COL9A2: variants seen among roughly 807,000 people sequenced by gnomAD.
The protein encoded by COL9A2 is collagen alpha-2(IX) chain.
Under a neutral mutation model 111.6 loss-of-function variants are expected in COL9A2, and 66 were observed. The observed-to-expected ratio is 0.59, with a 90% CI of 0.48 to 0.73. The LOEUF (loss-of-function observed/expected upper bound fraction) is 0.73, where lower values mean the gene tolerates loss of function less well. COL9A2 is among the 30% of genes least tolerant of loss of function. The pLI is 0.00. For missense variants in COL9A2, 881 were observed against 954.1 expected, an observed-to-expected ratio of 0.92 and a Z score of 1.01; for synonymous variants, 353 against 364.1, an observed-to-expected ratio of 0.97 and a Z score of 0.35.
chr1:40,315,857 A>C (rs922354036), intron 1 of COL9A2, 193 bp from the exon 2 acceptor site: 3 of 474,590 alleles, frequency 6.3e-6, no homozygotes, highest in Non-Finnish European at 1.1e-5. Flanking sequence ...AATACTCAGA[A>C]CCGGGAGGCG....
rs209917 is a variant in COL9A2, at chr1:40,311,837, C to T, written c.418-122G>A. The T allele has an allele frequency of 9.7e-4, 1,122 of 1,154,876 alleles. 13 individuals carry two copies. The African/African-American group carries it at 0.015, about 16-fold the overall frequency. The allele number at this position is 1,154,876 out of a possible 1,614,324, so 71.5% of individuals were successfully genotyped here. On this transcript the variant is annotated intron_variant, in intron 8 of 31. Transcript: ENST00000372748. This position sits in a 1 kb window ranked among gnomAD's most constrained non-coding sequence, Gnocchi z 5.1. ...GTCTTCCCGGTCACTTTGTGAGATC[C>T]ACCATCTTGGGAGATGAAGGCCTGA...
Position 40,301,851 on chromosome 1 carries a change from G to A in COL9A2, c.1831C>T (p.Arg611Trp), listed in dbSNP as rs531953673. The change falls in exon 31 of 32, where the codon CGG (arginine) becomes TGG (tryptophan). Residue 611 changes from arginine to tryptophan, a missense_variant. Arg to Trp is a moderately radical substitution (Grantham distance 101, BLOSUM62 -3). Transcript: ENST00000372748. ...GGCCCAGGCATCCCGGGGTGCCCCC[G>A]TCCCACTTCTCCTGGATCACCCTTC... ...GEKGDPGEVG[R>W]GHPGMPGPPG... is the part of the protein sequence containing the mutation. The A allele has an allele frequency of 1.5e-5, 24 of 1,614,094 alleles. No homozygotes were observed. Among genetic ancestry groups the A allele is most frequent in the Admixed American group, 8.3e-5 (5 of 60,028 alleles).
Position 40,303,797 on chromosome 1 carries a change from G to A in COL9A2, c.1401+10C>T. On this transcript the variant is annotated intron_variant, in intron 27 of 31. Coordinates refer to ENST00000372748, the MANE Select transcript of COL9A2 (RefSeq NM_001852.4). The surrounding 1 kb of genome is among the most constrained non-coding windows in gnomAD (Gnocchi z 4.6). ...GGAAAGTCGGAGAACGCCGGGAGGG[G>A]AGGACTCACCTGTCCCTTGGGCCCC... 1.3e-6 allele frequency: 2 copies of A among 1,562,634 alleles called. No homozygotes were observed. Among genetic ancestry groups the A allele is most frequent in the Non-Finnish European group, 8.7e-7 (1 of 1,155,696 alleles).
rs1643956373 is a variant in COL9A2 at position 40,303,733 on chromosome 1, G to C, written c.1402-57C>G. On this transcript the variant is annotated intron_variant, in intron 27 of 31. Transcript: ENST00000372748. This position sits in a 1 kb window ranked among gnomAD's most constrained non-coding sequence, Gnocchi z 4.6. ...GGTGAGAAGGCGCCCGGGTGGGCGA[G>C]AGTGGGGGGTGGGGGTCGAGGAAGG... 6.8e-7 allele frequency: 1 copy of C among 1,465,248 alleles called. No individual in the cohort carries two copies. Among genetic ancestry groups the C allele is most frequent in the South Asian group, 1.3e-5 (1 of 78,782 alleles). 90.8% of individuals were successfully genotyped at this position (1,465,248 alleles called of 1,614,324 possible). A position where few individuals can be genotyped will look rare whatever the true frequency, so the allele number is the denominator to read the frequency against.
At position 40,302,581 on chromosome 1, in the gene COL9A2, C is replaced by A. The variant is rs760030248; in HGVS notation, c.1792+40G>T. The A allele has an allele frequency of 1.3e-6, 2 of 1,565,770 alleles. No homozygotes were observed. Among genetic ancestry groups the A allele is most frequent in the Non-Finnish European group, 1.7e-6 (2 of 1,158,676 alleles). ...GAAAGGGCCGGCCTGGACAAATCCT[C>A]ACTGCCTGGCCCCCATGCCCACCGC... is the stretch of plus-strand genomic sequence containing the variant. On this transcript the variant is annotated intron_variant, in intron 30 of 31. Coordinates refer to ENST00000372748, the MANE Select transcript of COL9A2 (RefSeq NM_001852.4). The surrounding 1 kb of genome is among the most constrained non-coding windows in gnomAD (Gnocchi z 4.5).
rs1339213565 is a variant in COL9A2, at chr1:40,307,124, C to A, written c.1008+322G>T. 6.6e-6 allele frequency among the ~76,000 whole-genome samples: 1 copy of A among 152,186 alleles called. No homozygotes were observed. Among genetic ancestry groups the A allele is most frequent in the Non-Finnish European group, 1.5e-5 (1 of 68,028 alleles). ...CCTCCTGAAGTGCTGGGATTATAGG[C>A]ATGAGCCACTGCACCCGACCTCAAT... On this transcript the variant is annotated intron_variant, in intron 19 of 31. Transcript: ENST00000372748. This position sits in a 1 kb window ranked among gnomAD's most constrained non-coding sequence, Gnocchi z 4.8.
Position 40,311,001 on chromosome 1 carries a change from C to T in COL9A2, c.630+92G>A. 1 of 1,539,658 alleles carries T rather than the reference C, an allele frequency of 6.5e-7. No homozygotes were observed. The highest frequency in any genetic ancestry group is 9.0e-7 in the Non-Finnish European group (1 of 1,112,738). On this transcript the variant is annotated intron_variant, in intron 12 of 31. Coordinates refer to ENST00000372748, the MANE Select transcript of COL9A2 (RefSeq NM_001852.4). This position sits in a 1 kb window ranked among gnomAD's most constrained non-coding sequence, Gnocchi z 5.1. ...CTCAAGGCTCTGTCCCCAGAACCCA[C>T]AGGGGAAGGGGAAGGGACGAAGAAG... is the stretch of plus-strand genomic sequence containing the variant.
At chr1:40,308,576 A>G (rs1302952761) in intron 16 of COL9A2, among the ~76,000 whole-genome samples, 1 of 152,220 alleles carries the variant, frequency 6.6e-6, no homozygotes, top group Non-Finnish European at 1.5e-5. Context: ...ATGCTGTGTG[A>G]GTCTTGATTT....
chr1:40,307,823 C>G lies in COL9A2; in HGVS notation c.901-67G>C. Reference sequence around the variant, plus strand: ...ATGTCTGGGGTCTGGCCACCCACCCCTGTTCCTCTGAGACAGCTGCAGTGT... The same window carrying G: ...ATGTCTGGGGTCTGGCCACCCACCCGTGTTCCTCTGAGACAGCTGCAGTGT... On this transcript the variant is annotated intron_variant, in intron 17 of 31. Transcript: ENST00000372748. The surrounding 1 kb of genome is among the most constrained non-coding windows in gnomAD (Gnocchi z 4.8). The G allele has an allele frequency of 6.5e-7, 1 of 1,540,484 alleles. No individual in the cohort carries two copies. Among genetic ancestry groups the G allele is most frequent in the South Asian group, 1.1e-5 (1 of 88,496 alleles).
In COL9A2 at chr1:40,305,778, A is replaced by T. The variant is rs777732436; in HGVS notation, c.1054-10T>A. On this transcript the variant is annotated splice_polypyrimidine_tract_variant and intron_variant, in intron 20 of 31. Transcript: ENST00000372748. ...GCGGGCCCGGCTCACCCTGCAGGAA[A>T]ACAGTTCTCAGGTCAGTCTGGGTGG... is the stretch of plus-strand genomic sequence containing the variant. The T allele has an allele frequency of 6.2e-7, 1 of 1,613,860 alleles. No individual in the cohort carries two copies. Among genetic ancestry groups the T allele is most frequent in the South Asian group, 1.1e-5 (1 of 91,074 alleles).
intron 21 of COL9A2, among the ~76,000 whole-genome samples, chr1:40,305,253 G>A (rs517561): frequency 6.6e-6 from 1 of 151,812 alleles, no homozygotes; most frequent in Non-Finnish European, 1.5e-5. Context: ...ATTTTTAGTA[G>A]AGACGGGGTT....
Position 40,303,379 on chromosome 1 carries a change from G to A in COL9A2, c.1548+151C>T, listed in dbSNP as rs901503131. 3.9e-5 allele frequency: 48 copies of A among 1,219,494 alleles called. 1 individual carries two copies. The Admixed American group carries it at 9.1e-4, about 23-fold the overall frequency. The allele number at this position is 1,219,494 out of a possible 1,614,324, so 75.5% of individuals were successfully genotyped here. ...AGGTCGCGGGGTAATCCCTCAGGCT[G>A]CACTCACAGCCTTCCTGTCTGCTCT... On this transcript the variant is annotated intron_variant, in intron 28 of 31. Transcript: ENST00000372748. The surrounding 1 kb of genome is among the most constrained non-coding windows in gnomAD (Gnocchi z 4.6).
Position 40,311,574 on chromosome 1 carries a change from T to C in COL9A2, c.472-27A>G, listed in dbSNP as rs1232941722. The C allele has an allele frequency of 1.0e-4, 166 of 1,613,742 alleles. No homozygotes were observed. Among genetic ancestry groups the C allele is most frequent in the Non-Finnish European group, 1.4e-4 (163 of 1,179,944 alleles). On this transcript the variant is annotated intron_variant, in intron 9 of 31. Transcript: ENST00000372748. The surrounding 1 kb of genome is among the most constrained non-coding windows in gnomAD (Gnocchi z 5.1). ...TGAGAGGAGACATGAAGATGGAGCTTGGCCTGACCCTTTCCCGCCGCAGGC... is the reference window on the plus strand; with the variant it reads ...TGAGAGGAGACATGAAGATGGAGCTCGGCCTGACCCTTTCCCGCCGCAGGC...
rs774104069 is a variant in COL9A2, at chr1:40,305,783, T to C, written c.1054-15A>G. ...CCCGGCTCACCCTGCAGGAAAACAG[T>C]TCTCAGGTCAGTCTGGGTGGCCCAG... On this transcript the variant is annotated splice_polypyrimidine_tract_variant and intron_variant, in intron 20 of 31. Coordinates refer to ENST00000372748, the MANE Select transcript of COL9A2 (RefSeq NM_001852.4). The C allele has an allele frequency of 4.3e-5, 69 of 1,613,710 alleles. No individual in the cohort carries two copies. The South Asian group carries it at 7.0e-4, about 16-fold the overall frequency.
chr1:40,304,296 G>T, intron 24 of COL9A2, 24 bp downstream of exon 24: 1 of 1,552,316 alleles, frequency 6.4e-7, no homozygotes, highest in Non-Finnish European at 8.7e-7. Flanking sequence ...CCTTTCCCAG[G>T]TGTTTCCCAG....
rs777209610 is a variant in COL9A2, at chr1:40,314,390, G to T, written c.151-3C>A. On this transcript the variant is annotated splice_polypyrimidine_tract_variant and splice_region_variant and intron_variant, in intron 2 of 31. Transcript: ENST00000372748. The surrounding 1 kb of genome is among the most constrained non-coding windows in gnomAD (Gnocchi z 4.1). ...TTTCCAGGGGGCCCATTGTCACCCT[G>T]CAAGATACAAGTTGGTGAGACAGCA... 5.0e-6 allele frequency: 8 copies of T among 1,614,030 alleles called. 1 individual carries two copies. The South Asian group carries it at 7.7e-5, about 16-fold the overall frequency.
At chr1:40,306,476 T>C (rs946550538) in intron 19 of COL9A2, among the ~76,000 whole-genome samples, 2 of 152,200 alleles carry the variant, frequency 1.3e-5, no homozygotes, top group African/African-American at 4.8e-5. Context: ...CAAGTCTGCA[T>C]GTGTGCACAG....
At chr1:40,301,707 G>C in intron 31 of COL9A2, 105 bp downstream of exon 31, 1 of 1,106,416 alleles carries the variant, frequency 9.0e-7, no homozygotes, top group Non-Finnish European at 1.3e-6. Context: ...ATCAAGGACT[G>C]AGCTGGCTGA....
rs1244724713 is a variant in COL9A2, at chr1:40,303,837, G to A, written c.1371C>T (p.Gly457=). 5.1e-6 allele frequency: 8 copies of A among 1,557,836 alleles called. No homozygotes were observed. The highest frequency in any genetic ancestry group is 6.9e-6 in the Non-Finnish European group (8 of 1,151,738). Residue 457 remains glycine (G), a splice_region_variant and synonymous_variant, in exon 27 of 32, where the codon GGC becomes GGT. Transcript: ENST00000372748. This position sits in a 1 kb window ranked among gnomAD's most constrained non-coding sequence, Gnocchi z 4.6. ...CCTTGGGCCCCGGCTCGCCGGACTC[G>A]CCCTGCAGGCACAAGGAGCAGCGGT... is the stretch of plus-strand genomic sequence containing the variant. ...AGLPGEKGEK[G]ESGEPGPKGQ...
Sources: allele counts gnomAD v4.1 joint callset (sites outside exome capture counted in the v4.1 genomes callset), GRCh38; gene constraint gnomAD v4.1.1; non-coding constraint Gnocchi (gnomAD v3.1); transcripts MANE v1.5; gene names NCBI Gene and HGNC (gene_info 2026-07-23, HGNC 2026-07-21).